ANK3: variants seen among roughly 807,000 people sequenced by gnomAD.
ANK3 encodes ankyrin 3.
ANK3 carries 57 observed loss-of-function variants against 370.9 expected under a neutral mutation model. That is an observed-to-expected ratio of 0.15 (90% CI 0.12 to 0.19). The LOEUF (loss-of-function observed/expected upper bound fraction) is 0.19. Among genes scored for constraint, ANK3 ranks in the 10% least tolerant of loss-of-function variants. ANK3 has a pLI of 1.00. For missense variants in ANK3, 4,439 were observed against 5,302.1 expected (o/e 0.84, Z 5.06); for synonymous variants, 1,929 against 1,946.3 (o/e 0.99, Z 0.23).
At chr10:60,546,388 C>T (rs2076965525) in intron 2 of ANK3, among the ~76,000 whole-genome samples, 1 of 152,130 alleles carries the variant, frequency 6.6e-6, no homozygotes, top group Admixed American at 6.5e-5. Context: ...ATTATAGTTA[C>T]CATGCAATAT....
intron 1 of ANK3, among the ~76,000 whole-genome samples, chr10:60,311,259 C>A (rs982759372): frequency 6.6e-6 from 1 of 152,240 alleles, no homozygotes; most frequent in South Asian, 2.1e-4. Context: ...AGGAATGAAA[C>A]TTTGTCCTCA....
chr10:60,124,252 C>T (rs2093643842), intron 25 of ANK3, among the ~76,000 whole-genome samples: 1 of 152,198 alleles, frequency 6.6e-6, no homozygotes. Context: ...ACCTCTGCCT[C>T]CTGGGTTCAA....
At chr10:60,616,993 G>C (rs1032038934) in intron 1 of ANK3, among the ~76,000 whole-genome samples, 2 of 151,998 alleles carry the variant, frequency 1.3e-5, no homozygotes, top group African/African-American at 4.8e-5. Flanking sequence ...GCCTTTGACT[G>C]TCTTTACTCA....
chr10:60,717,567 T>G (rs2079807643), intron 1 of ANK3, among the ~76,000 whole-genome samples: 1 of 152,216 alleles, frequency 6.6e-6, no homozygotes, highest in South Asian at 2.1e-4. Flanking sequence ...AAGAACTTAC[T>G]ATGAACCAAG....
intron 7 of ANK3, among the ~76,000 whole-genome samples, chr10:60,250,499 G>A (rs532706375): frequency 4.2e-4 from 64 of 152,198 alleles, no homozygotes; most frequent in Admixed American, 9.8e-4. Flanking sequence ...CCAGTAGCTG[G>A]GACTACAGGT....
In ANK3 at chr10:60,203,308, C is replaced by A. The variant is rs112703480; in HGVS notation, c.1294-208G>T. Among the ~76,000 whole-genome samples, 2,248 of 152,200 alleles carry A rather than the reference C, an allele frequency of 0.015. 55 individuals are homozygous for A. Among genetic ancestry groups the A allele is most frequent in the African/African-American group, 0.052 (2,139 of 41,504 alleles). ...CGTTTTCCTAAAGCAAATTCTGTTACTATGAAAGACTTATGTCATACCTAT... is the reference window on the plus strand; with the variant it reads ...CGTTTTCCTAAAGCAAATTCTGTTAATATGAAAGACTTATGTCATACCTAT... On this transcript the variant is annotated intron_variant, in intron 11 of 43. Transcript: ENST00000280772.
At chr10:60,344,005 G>A (rs556642129) in intron 1 of ANK3, among the ~76,000 whole-genome samples, 18 of 152,322 alleles carry the variant, frequency 1.2e-4, no homozygotes, top group African/African-American at 4.1e-4. Flanking sequence ...TATTTTTCTA[G>A]CATGCTTACT....
chr10:60,211,225 C>T (rs2096849414), intron 9 of ANK3, among the ~76,000 whole-genome samples: 1 of 152,168 alleles, frequency 6.6e-6, no homozygotes, highest in Non-Finnish European at 1.5e-5. Flanking sequence ...AGTCAGGTAA[C>T]TGCCTCCTGC....
At chr10:60,478,448 T>C (rs1444559203) in intron 2 of ANK3, among the ~76,000 whole-genome samples, 1 of 152,126 alleles carries the variant, frequency 6.6e-6, no homozygotes, top group Non-Finnish European at 1.5e-5. Context: ...TTTGTGAAAT[T>C]ACCATTATAG....
chr10:60,692,122 A>T (rs2079363075), intron 1 of ANK3, among the ~76,000 whole-genome samples: 1 of 152,246 alleles, frequency 6.6e-6, no homozygotes, highest in Non-Finnish European at 1.5e-5. Flanking sequence ...CAGAATTAAA[A>T]GCCAATGTGT....
intron 12 of ANK3, among the ~76,000 whole-genome samples, chr10:60,200,850 C>G (rs1370714869): frequency 1.3e-5 from 2 of 152,180 alleles, no homozygotes; most frequent in Non-Finnish European, 2.9e-5. Flanking sequence ...TTTATCTGAA[C>G]AGATCAATAT....
intron 2 of ANK3, among the ~76,000 whole-genome samples, chr10:60,535,309 T>C (rs191139154): frequency 6.6e-6 from 1 of 152,246 alleles, no homozygotes; most frequent in Non-Finnish European, 1.5e-5. Context: ...TTCCTCACTT[T>C]TCATTTCTCT....
chr10:60,085,987 T>C (rs749726229), intron 30 of ANK3, among the ~76,000 whole-genome samples: 1 of 152,218 alleles, frequency 6.6e-6, no homozygotes, highest in Non-Finnish European at 1.5e-5. Flanking sequence ...TTCTGTACAA[T>C]TAATTACCGA....
chr10:60,110,447 T>C (rs551700895), intron 26 of ANK3, among the ~76,000 whole-genome samples: 1 of 152,298 alleles, frequency 6.6e-6, no homozygotes, highest in Admixed American at 6.5e-5. Flanking sequence ...TCTTACAACA[T>C]TCTATCGATT....
At chr10:60,368,806 A>T (rs1408635362) in intron 1 of ANK3, among the ~76,000 whole-genome samples, 1 of 152,090 alleles carries the variant, frequency 6.6e-6, no homozygotes, top group East Asian at 1.9e-4. Flanking sequence ...GGAGAAAAAA[A>T]CTCCTCAGAT....
chr10:60,093,002 C>G lies in ANK3; in HGVS notation c.3329-4644G>C, dbSNP rs1361662129. ...CCGGCTGCCTTGGCCTCCCAAAATGCTGGGATTACAGGTGTGAGCCACTGC... is the reference window on the plus strand; with the variant it reads ...CCGGCTGCCTTGGCCTCCCAAAATGGTGGGATTACAGGTGTGAGCCACTGC... On this transcript the variant is annotated intron_variant, in intron 28 of 43. Coordinates refer to ENST00000280772, the MANE Select transcript of ANK3 (RefSeq NM_020987.5). Among the ~76,000 whole-genome samples the G allele has an allele frequency of 2.0e-5, 3 of 152,326 alleles. No individual in the cohort carries two copies. In the East Asian group the frequency reaches 5.8e-4, roughly 29 times the overall value.
At chr10:60,308,018 C>A (rs538772222) in intron 1 of ANK3, among the ~76,000 whole-genome samples, 2 of 152,266 alleles carry the variant, frequency 1.3e-5, no homozygotes, top group South Asian at 4.1e-4. Flanking sequence ...TGTTTTCTCC[C>A]TTCTTTCAAA....
chr10:60,682,333 C>T (rs61854518), intron 1 of ANK3, among the ~76,000 whole-genome samples: 18,500 of 151,906 alleles, frequency 0.12, 1,511 homozygotes, highest in East Asian at 0.27. Context: ...ATCCTGGGCT[C>T]TAATCCTGAT....
At chr10:60,147,722 C>T (rs1343894400) in intron 23 of ANK3, among the ~76,000 whole-genome samples, 2 of 152,140 alleles carry the variant, frequency 1.3e-5, no homozygotes, top group African/African-American at 4.8e-5. Flanking sequence ...CTTCCTCCTG[C>T]ACCGGCCTTG....
Sources: gnomAD v4.1 joint callset for allele counts (sites outside exome capture counted in the v4.1 genomes callset) on GRCh38, gnomAD v4.1.1 for gene constraint, MANE v1.5 for transcripts, NCBI Gene and HGNC (gene_info 2026-07-23, HGNC 2026-07-21) for gene names.